FAM13B: variants seen among roughly 807,000 people sequenced by gnomAD.
FAM13B encodes the protein protein FAM13B.
A neutral mutation model predicts 117.3 loss-of-function variants in FAM13B; 60 were observed. That is an observed-to-expected ratio of 0.51 (90% CI 0.42 to 0.63). The LOEUF (loss-of-function observed/expected upper bound fraction) is 0.63, where lower values mean the gene tolerates loss of function less well. Ranked by LOEUF, FAM13B falls within the 30% of genes least tolerant of loss-of-function variation. FAM13B has a pLI of 0.00. For missense variants in FAM13B, 972 were observed against 1,091.9 expected (o/e 0.89, Z 1.55); for synonymous variants, 332 against 356.1 (o/e 0.93, Z 0.76).
At chr5:137,981,364 C>A (rs926314218) in intron 10 of FAM13B, among the ~76,000 whole-genome samples, 1 of 152,026 alleles carries the variant, frequency 6.6e-6, no homozygotes, top group African/African-American at 2.4e-5. Context: ...AGGAAAATCG[C>A]TTGAGGCCAG....
At chr5:138,018,642 T>TA (rs552730427) in intron 3 of FAM13B, 128 bp from the exon 4 acceptor site, 8 of 797,046 alleles carry the variant, frequency 1.0e-5, no homozygotes, top group Non-Finnish European at 1.6e-5. Context: ...CTGACTTGTC[T>TA]AAAAACCTTC....
chr5:138,042,841 C>T (rs1791536131), intron 1 of FAM13B, among the ~76,000 whole-genome samples: 1 of 152,160 alleles, frequency 6.6e-6, no homozygotes, highest in African/African-American at 2.4e-5. Flanking sequence ...CCTATAATCC[C>T]AGCACTTTGG....
At position 138,019,162 on chromosome 5, in the gene FAM13B, C is replaced by CAAA; in HGVS notation, c.-35-19_-35-17dup. 5 of 1,502,634 alleles carry CAAA rather than the reference C, an allele frequency of 3.3e-6. No individual in the cohort carries two copies. Among genetic ancestry groups the CAAA allele is most frequent in the Admixed American group, 2.0e-5 (1 of 50,322 alleles). The allele number at this position is 1,502,634 out of a possible 1,614,324, so 93.1% of individuals were successfully genotyped here. A position where few individuals can be genotyped will look rare whatever the true frequency, so the allele number is the denominator to read the frequency against. On this transcript the variant is annotated splice_polypyrimidine_tract_variant and intron_variant, in intron 2 of 23. Transcript: ENST00000689681. ...GCTGTCTTTTCTGCCAAATGAAAGA[C>CAAA]AAAAAAAAAAGACTATAATGATTAA...
intron 1 of FAM13B, among the ~76,000 whole-genome samples, chr5:138,042,333 G>A (rs1025119540): frequency 6.6e-6 from 1 of 152,144 alleles, no homozygotes; most frequent in Non-Finnish European, 1.5e-5. Context: ...TTGTGGTTAA[G>A]GAGGGAAGTC....
At chr5:138,023,715 T>C (rs1787415995) in intron 1 of FAM13B, among the ~76,000 whole-genome samples, 1 of 152,120 alleles carries the variant, frequency 6.6e-6, no homozygotes, top group East Asian at 1.9e-4. Flanking sequence ...ACTACAGGCG[T>C]GGGCCACCAC....
chr5:138,006,026 G>A (rs545230277), intron 7 of FAM13B, among the ~76,000 whole-genome samples: 136 of 151,810 alleles, frequency 9.0e-4, no homozygotes, highest in Non-Finnish European at 1.5e-3. Flanking sequence ...AGCCTCCCGT[G>A]TAGCTGGGAC....
At chr5:138,011,724 A>G (rs374514684) in intron 5 of FAM13B, 44 bp downstream of exon 5, 6 of 1,469,336 alleles carry the variant, frequency 4.1e-6, no homozygotes, top group Non-Finnish European at 5.6e-6. Context: ...GGCCTCACAT[A>G]TCTAATTTTT....
upstream of FAM13B, chr5:138,052,038 C>G (rs1440580422): frequency 6.6e-6 from 1 of 152,200 alleles, no homozygotes; most frequent in African/African-American, 2.4e-5. Context: ...GATAAAGAAC[C>G]AGCGTCGAAG....
chr5:138,003,743 A>G (rs1027518224), intron 7 of FAM13B, among the ~76,000 whole-genome samples: 2 of 152,166 alleles, frequency 1.3e-5, no homozygotes, highest in Non-Finnish European at 2.9e-5. Context: ...ACCACCCCAC[A>G]GCTATGTGCT....
chr5:137,971,414 G>A (rs1323380004), intron 10 of FAM13B, among the ~76,000 whole-genome samples: 2 of 150,604 alleles, frequency 1.3e-5, no homozygotes, highest in East Asian at 1.9e-4. Context: ...TGAAACCAAC[G>A]AGAACAAAGA....
chr5:138,015,269 G>A (rs931014270), intron 4 of FAM13B, among the ~76,000 whole-genome samples: 7 of 152,138 alleles, frequency 4.6e-5, no homozygotes, highest in Non-Finnish European at 1.0e-4. Context: ...CCACACCAGT[G>A]GATGCACTGT....
chr5:137,947,952 C>G (rs1763897990), intron 18 of FAM13B, among the ~76,000 whole-genome samples: 1 of 152,070 alleles, frequency 6.6e-6, no homozygotes, highest in Admixed American at 6.6e-5. Flanking sequence ...TAATTCAGCT[C>G]TGTTCAAGGG....
At chr5:137,962,559 G>T in intron 10 of FAM13B, 90 bp from the exon 11 acceptor site, 2 of 1,168,408 alleles carry the variant, frequency 1.7e-6, no homozygotes, top group South Asian at 1.4e-5. Flanking sequence ...TTAGAATACA[G>T]ATTAGTCAAA....
intron 1 of FAM13B, 102 bp downstream of exon 1, chr5:138,032,680 G>A (rs13169234): frequency 9.2e-6 from 9 of 973,122 alleles, no homozygotes; most frequent in African/African-American, 1.8e-5. Context: ...CCCGAGAGCA[G>A]GCGCGGGTGG....
chr5:138,001,968 G>A (rs545948408), intron 7 of FAM13B, among the ~76,000 whole-genome samples: 1 of 152,162 alleles, frequency 6.6e-6, no homozygotes, highest in South Asian at 2.1e-4. Context: ...GGTGGGATGG[G>A]GCAGACTATG....
At chr5:137,960,015 T>A in intron 12 of FAM13B, 151 bp downstream of exon 12, 2 of 676,444 alleles carry the variant, frequency 3.0e-6, no homozygotes, top group Non-Finnish European at 5.1e-6. Context: ...TAACCAAAAG[T>A]GGCAAATTAA....
At chr5:137,998,540 A>G (rs1366354069) in intron 7 of FAM13B, among the ~76,000 whole-genome samples, 1 of 152,250 alleles carries the variant, frequency 6.6e-6, no homozygotes, top group East Asian at 1.9e-4. Flanking sequence ...CATGGTTATT[A>G]GGACTTGAAC....
chr5:137,972,454 G>GT (rs1262943179), intron 10 of FAM13B, among the ~76,000 whole-genome samples: 38 of 150,664 alleles, frequency 2.5e-4, no homozygotes, highest in Non-Finnish European at 7.5e-5. Context: ...TTGATGGGAC[G>GT]TATCTCAAAA....
intron 10 of FAM13B, among the ~76,000 whole-genome samples, chr5:137,974,018 T>C (rs1191889544): frequency 7.0e-6 from 1 of 141,906 alleles, no homozygotes; most frequent in East Asian, 2.1e-4. Context: ...GACTGTAAAC[T>C]AGTTCAACCA....
Sources: gnomAD v4.1 joint callset for allele counts (sites outside exome capture counted in the v4.1 genomes callset) on GRCh38, gnomAD v4.1.1 for gene constraint, MANE v1.5 for transcripts, NCBI Gene and HGNC (gene_info 2026-07-23, HGNC 2026-07-21) for gene names.